Variants in ACOX2 observed in about 807,000 individuals in gnomAD.
The protein encoded by ACOX2 is acyl-CoA oxidase 2.
ACOX2 carries 59 observed loss-of-function variants against 77.5 expected under a neutral mutation model. The observed-to-expected ratio is 0.76, with a 90% CI of 0.62 to 0.95. ACOX2 has a LOEUF of 0.95. ACOX2 is among the 40% of genes least tolerant of loss of function. The pLI is 0.00. For synonymous variants in ACOX2, 317 were observed against 340.1 expected (o/e 0.93, Z 0.75); for missense variants, 837 against 880.4 (o/e 0.95, Z 0.62).
In ACOX2 at chr3:58,510,713, C is replaced by T. The variant is rs1274048114; in HGVS notation, c.1851-1688G>A. 3.5e-3 allele frequency among the ~76,000 whole-genome samples: 14 copies of T among 4,044 alleles called. No homozygotes were observed. In the South Asian group the frequency reaches 0.064, roughly 19 times the overall value. The allele number at this position is 4,044 out of a possible 152,430, so 2.7% of individuals were successfully genotyped here. ...ATATATATATATATATATATATACA[C>T]ACACACACACACACACACACACACA... is the stretch of plus-strand genomic sequence containing the variant. On this transcript the variant is annotated intron_variant, in intron 13 of 14. Transcript: ENST00000302819.
At position 58,522,733 on chromosome 3, in the gene ACOX2, T is replaced by G. The variant is rs1054625559; in HGVS notation, c.1527-132A>C. 2.6e-6 allele frequency: 2 copies of G among 770,056 alleles called. No homozygotes were observed. Among genetic ancestry groups the G allele is most frequent in the African/African-American group, 3.5e-5 (2 of 57,080 alleles). 47.7% of individuals were successfully genotyped at this position (770,056 alleles called of 1,614,324 possible). On this transcript the variant is annotated intron_variant, in intron 11 of 14. Coordinates refer to ENST00000302819, the MANE Select transcript of ACOX2 (RefSeq NM_003500.4). This position sits in a 1 kb window ranked among gnomAD's most constrained non-coding sequence, Gnocchi z 4.3. The stretch of plus-strand genomic sequence containing the variant: ...ACTTATGTGCCATAAAGCTAAATGA[T>G]TGATATTTATTATCTTTTTAACTCT...
At position 58,512,553 on chromosome 3, in the gene ACOX2, G is replaced by A. The variant is rs547804963; in HGVS notation, c.1851-3528C>T. Among the ~76,000 whole-genome samples, 7 of 152,072 alleles carry A rather than the reference G, an allele frequency of 4.6e-5. No individual in the cohort carries two copies. The East Asian group carries it at 5.8e-4, about 13-fold the overall frequency. On this transcript the variant is annotated intron_variant, in intron 13 of 14. Transcript: ENST00000302819. This position sits in a 1 kb window ranked among gnomAD's most constrained non-coding sequence, Gnocchi z 4.8. Reference sequence around the variant, plus strand: ...AGTCTTTGCAATGATCTACCTTACCGTCTCTTCCCACCCCCTACTGTACTC... The same window carrying A: ...AGTCTTTGCAATGATCTACCTTACCATCTCTTCCCACCCCCTACTGTACTC...
chr3:58,507,378 T>C (rs931962148), intron 14 of ACOX2, among the ~76,000 whole-genome samples: 5 of 152,224 alleles, frequency 3.3e-5, no homozygotes, highest in African/African-American at 1.2e-4. Context: ...TCTGGGTCAG[T>C]CATTCCTCTC....
rs1446334312 is a variant in ACOX2, at chr3:58,505,750, T to TGC, written c.1984-466_1984-465dup. 2.0e-5 allele frequency among the ~76,000 whole-genome samples: 3 copies of TGC among 152,174 alleles called. No individual in the cohort carries two copies. The highest frequency in any genetic ancestry group is 7.2e-5 in the African/African-American group (3 of 41,448). On this transcript the variant is annotated intron_variant, in intron 14 of 14. Coordinates refer to ENST00000302819, the MANE Select transcript of ACOX2 (RefSeq NM_003500.4). This position sits in a 1 kb window ranked among gnomAD's most constrained non-coding sequence, Gnocchi z 4.4. Reference sequence around the variant, plus strand: ...AATATTTACTTTGTGTGTGTGTGTGTGCCTGTCTACACTAAAACTGTAAGC... The same window carrying TGC: ...AATATTTACTTTGTGTGTGTGTGTGTGCGCCTGTCTACACTAAAACTGTAAGC...
chr3:58,506,489 C>T (rs538016930), intron 14 of ACOX2, among the ~76,000 whole-genome samples: 8 of 152,184 alleles, frequency 5.3e-5, no homozygotes, highest in Non-Finnish European at 1.2e-4. Context: ...TTCAACATAG[C>T]TGCTGTTTTA....
At position 58,512,464 on chromosome 3, in the gene ACOX2, G is replaced by A. The variant is rs1297828493; in HGVS notation, c.1851-3439C>T. 6.6e-6 allele frequency among the ~76,000 whole-genome samples: 1 copy of A among 152,166 alleles called. No individual in the cohort carries two copies. The highest frequency in any genetic ancestry group is 6.5e-5 in the Admixed American group (1 of 15,276). On this transcript the variant is annotated intron_variant, in intron 13 of 14. Coordinates refer to ENST00000302819, the MANE Select transcript of ACOX2 (RefSeq NM_003500.4). This position sits in a 1 kb window ranked among gnomAD's most constrained non-coding sequence, Gnocchi z 4.8. ...AATACACATCAGATTCTTTTAGGTT[G>A]TGTCTATCCAATGCTCAAAACCCTC...
At chr3:58,517,601 A>G (rs1291255298) in intron 12 of ACOX2, among the ~76,000 whole-genome samples, 178 bp from the exon 13 acceptor site, 14 of 117,420 alleles carry the variant, frequency 1.2e-4, no homozygotes, top group African/African-American at 4.3e-4. Flanking sequence ...GATGTTGTGT[A>G]TATGTGTGTG....
chr3:58,522,882 C>A lies in ACOX2; in HGVS notation c.1527-281G>T. On this transcript the variant is annotated intron_variant, in intron 11 of 14. Coordinates refer to ENST00000302819, the MANE Select transcript of ACOX2 (RefSeq NM_003500.4). The surrounding 1 kb of genome is among the most constrained non-coding windows in gnomAD (Gnocchi z 4.3). ...CAGGATTTTGACTTGTTGTTAATCG[C>A]CATGTTATAAAGCCTCAGGGCCACA... 2.6e-6 allele frequency: 1 copy of A among 377,596 alleles called. No individual in the cohort carries two copies. The highest frequency in any genetic ancestry group is 5.0e-6 in the Non-Finnish European group (1 of 198,868). The allele number at this position is 377,596 out of a possible 1,614,324, so 23.4% of individuals were successfully genotyped here. A position where few individuals can be genotyped will look rare whatever the true frequency, so the allele number is the denominator to read the frequency against.
chr3:58,526,719 G>C lies in ACOX2; in HGVS notation c.1156-63C>G. On this transcript the variant is annotated intron_variant, in intron 9 of 14. Transcript: ENST00000302819. The surrounding 1 kb of genome is among the most constrained non-coding windows in gnomAD (Gnocchi z 4.3). ...GGCCTCCACCATAGGGACCAACCCT[G>C]TGCACCACTTACTGAGCATCTACTC... 5 of 1,535,848 alleles carry C rather than the reference G, an allele frequency of 3.3e-6. No homozygotes were observed. Among genetic ancestry groups the C allele is most frequent in the Non-Finnish European group, 4.4e-6 (5 of 1,126,546 alleles).
rs1056835401 is a variant in ACOX2 at position 58,533,325 on chromosome 3, C to A, written c.583+120G>T. 3.3e-6 allele frequency: 3 copies of A among 913,294 alleles called. No individual in the cohort carries two copies. 56.6% of individuals were successfully genotyped at this position (913,294 alleles called of 1,614,324 possible). On this transcript the variant is annotated intron_variant, in intron 5 of 14. Transcript: ENST00000302819. This position sits in a 1 kb window ranked among gnomAD's most constrained non-coding sequence, Gnocchi z 5.6. ...GTTGGTGAACTGACTTGCCCAAGGT[C>A]AGCAGCCTAGAACAGAAAATCAATC...
At position 58,534,926 on chromosome 3, in the gene ACOX2, CA is replaced by C; in HGVS notation, c.160+20del. The stretch of plus-strand genomic sequence containing the variant: ...AGCATGGGGCATAAAACAGATGTCC[CA>C]TTCCCCAGCTTCCCCTTACCAACTT... On this transcript the variant is annotated intron_variant, in intron 2 of 14. Transcript: ENST00000302819. This position sits in a 1 kb window ranked among gnomAD's most constrained non-coding sequence, Gnocchi z 4.8. 6.2e-7 allele frequency: 1 copy of C among 1,613,890 alleles called. No homozygotes were observed.
At chr3:58,536,059 C>G (rs115108378) in intron 1 of ACOX2, among the ~76,000 whole-genome samples, 1,560 of 152,068 alleles carry the variant, frequency 0.01, 31 homozygotes, top group African/African-American at 0.035. Flanking sequence ...CCTTGGGGCC[C>G]ACTGTTTGTG....
intron 1 of ACOX2, among the ~76,000 whole-genome samples, chr3:58,536,468 G>A (rs60755756): frequency 0.069 from 10,443 of 152,252 alleles, 516 homozygotes; most frequent in African/African-American, 0.14. Context: ...GCAACCACAT[G>A]TAGCAAATGA....
chr3:58,522,407 A>G lies in ACOX2; in HGVS notation c.1632+89T>C. 1 of 1,281,086 alleles carries G rather than the reference A, an allele frequency of 7.8e-7. No homozygotes were observed. The highest frequency in any genetic ancestry group is 1.1e-6 in the Non-Finnish European group (1 of 891,014). The allele number at this position is 1,281,086 out of a possible 1,614,324, so 79.4% of individuals were successfully genotyped here. ...AGCCGCCACTGAAGCAGAGTTGGGG[A>G]ATAATGGCAGAGCCCGGATTTTCCC... On this transcript the variant is annotated intron_variant, in intron 12 of 14. Coordinates refer to ENST00000302819, the MANE Select transcript of ACOX2 (RefSeq NM_003500.4). The surrounding 1 kb of genome is among the most constrained non-coding windows in gnomAD (Gnocchi z 4.3).
chr3:58,535,204 G>T lies in ACOX2; in HGVS notation c.-91-7C>A. On this transcript the variant is annotated splice_region_variant and splice_polypyrimidine_tract_variant and intron_variant, in intron 1 of 14. Coordinates refer to ENST00000302819, the MANE Select transcript of ACOX2 (RefSeq NM_003500.4). The surrounding 1 kb of genome is among the most constrained non-coding windows in gnomAD (Gnocchi z 4.8). ...ATTGGTCAGTGCAAAGAACCTGTGTGCAAGAGGAACTGCCTAGGGCTGGGT... is the reference window on the plus strand; with the variant it reads ...ATTGGTCAGTGCAAAGAACCTGTGTTCAAGAGGAACTGCCTAGGGCTGGGT... 6.7e-7 allele frequency: 1 copy of T among 1,502,190 alleles called. No individual in the cohort carries two copies. The allele number at this position is 1,502,190 out of a possible 1,614,324, so 93.1% of individuals were successfully genotyped here.
At chr3:58,510,454 G>A (rs893528418) in intron 13 of ACOX2, among the ~76,000 whole-genome samples, 4 of 150,776 alleles carry the variant, frequency 2.7e-5, no homozygotes, top group Admixed American at 2.0e-4. Flanking sequence ...CCAACATGGC[G>A]GAACCCTGTC....
intron 12 of ACOX2, 139 bp from the exon 13 acceptor site, chr3:58,517,562 C>T: frequency 1.3e-6 from 1 of 785,792 alleles, no homozygotes; most frequent in Non-Finnish European, 2.0e-6. Flanking sequence ...TGCCTTTTCT[C>T]CTAGCTCTGG....
chr3:58,509,073 A>C, intron 13 of ACOX2, 48 bp from the exon 14 acceptor site: 3 of 1,594,774 alleles, frequency 1.9e-6, no homozygotes, highest in Non-Finnish European at 2.6e-6. Flanking sequence ...TGCTCTTATG[A>C]ATCAAACTAG....
intron 5 of ACOX2, among the ~76,000 whole-genome samples, chr3:58,532,546 C>T (rs1403216146): frequency 1.3e-5 from 2 of 152,008 alleles, no homozygotes; most frequent in Non-Finnish European, 2.9e-5. Context: ...CCACCACACA[C>T]GACTAATTTT....
Sources: gnomAD v4.1 joint callset for allele counts (sites outside exome capture counted in the v4.1 genomes callset) on GRCh38, gnomAD v4.1.1 for gene constraint, Gnocchi (gnomAD v3.1) non-coding constraint, MANE v1.5 for transcripts, NCBI Gene and HGNC (gene_info 2026-07-23, HGNC 2026-07-21) for gene names.